The following OR2L3 variants were observed in gnomAD, a reference collection of about 807,000 sequenced individuals.
OR2L3 encodes the protein olfactory receptor 2L3.
For missense variants in OR2L3, 369 were observed against 376.6 expected, an observed-to-expected ratio of 0.98 and a Z score of 0.17; for synonymous variants, 131 against 139.1, an observed-to-expected ratio of 0.94 and a Z score of 0.41.
chr1:248,060,450 T>C (rs761352197), intron 1 of OR2L3, among the ~76,000 whole-genome samples: 1 of 152,192 alleles, frequency 6.6e-6, no homozygotes, highest in Non-Finnish European at 1.5e-5. Context: ...TGTATATTCA[T>C]TCTATTTTAT....
At position 248,049,555 on chromosome 1, in the gene OR2L3, A is replaced by C. The variant is rs538655550; in HGVS notation, c.-22+2675A>C. Among the ~76,000 whole-genome samples the C allele has an allele frequency of 2.6e-5, 4 of 152,240 alleles. No individual in the cohort carries two copies. The East Asian group carries it at 7.7e-4, about 29-fold the overall frequency. ...TTTCATTTAGAGTTTCTGAGAAACC[A>C]TTTTTCTGTGAAGCTACATAATAGT... On this transcript the variant is annotated intron_variant, in intron 1 of 1. Transcript: ENST00000359959.
chr1:248,059,541 G>A (rs1663552945), intron 1 of OR2L3, among the ~76,000 whole-genome samples: 1 of 152,162 alleles, frequency 6.6e-6, no homozygotes, highest in Admixed American at 6.6e-5. Context: ...AAAGAGAATG[G>A]ATGATGATGA....
intron 1 of OR2L3, among the ~76,000 whole-genome samples, chr1:248,060,050 A>C (rs1451488385): frequency 6.6e-6 from 1 of 152,142 alleles, no homozygotes; most frequent in Non-Finnish European, 1.5e-5. Flanking sequence ...CAAAAAAAAA[A>C]AAAGTATAAA....
In OR2L3 at chr1:248,062,709, A is replaced by T. The variant is rs565922915; in HGVS notation, c.*1089A>T. On this transcript the variant is annotated 3_prime_UTR_variant, in exon 2 of 2. Transcript: ENST00000359959. ...ATTTATTGTAGAATTTATTGTATGT[A>T]TTAAAGAATAACTGAAAGAGTGGAA... is the stretch of plus-strand genomic sequence containing the variant. The T allele has an allele frequency of 2.0e-5, 3 of 152,338 alleles. No individual in the cohort carries two copies. Among genetic ancestry groups the T allele is most frequent in the African/African-American group, 7.2e-5 (3 of 41,582 alleles). The allele number at this position is 152,338 out of a possible 1,614,324, so 9.4% of individuals were successfully genotyped here.
intron 1 of OR2L3, among the ~76,000 whole-genome samples, chr1:248,053,576 G>A (rs1275170532): frequency 1.3e-5 from 2 of 152,210 alleles, no homozygotes; most frequent in Non-Finnish European, 2.9e-5. Context: ...CACCAACAGT[G>A]TGAAAGCATT....
rs957844592 is a variant in OR2L3, at chr1:248,055,401, C to CT, written c.-21-5250dup. On this transcript the variant is annotated intron_variant, in intron 1 of 1. Coordinates refer to ENST00000359959, the MANE Select transcript of OR2L3 (RefSeq NM_001004687.2). ...ATCAGGGATATTGGCACAAAGTTTT[C>CT]TTTTTTTTTTGTTATGTCTCTGCTG... 4.4e-4 allele frequency among the ~76,000 whole-genome samples: 66 copies of CT among 148,840 alleles called. 1 individual carries two copies. The highest frequency in any genetic ancestry group is 1.3e-3 in the South Asian group (6 of 4,672).
In OR2L3 at chr1:248,060,653, C is replaced by A; in HGVS notation, c.-21-8C>A. 1 of 1,557,002 alleles carries A rather than the reference C, an allele frequency of 6.4e-7. No homozygotes were observed. Among genetic ancestry groups the A allele is most frequent in the Non-Finnish European group, 8.8e-7 (1 of 1,138,394 alleles). On this transcript the variant is annotated splice_region_variant and splice_polypyrimidine_tract_variant and intron_variant, in intron 1 of 1. Coordinates refer to ENST00000359959, the MANE Select transcript of OR2L3 (RefSeq NM_001004687.2). ...CTGTGCTTAACTTACCCTTGTGTCT[C>A]CCTTCAGGAAAGAGCACACGAATGC...
At chr1:248,048,374 A>G (rs1272324116) in intron 1 of OR2L3, among the ~76,000 whole-genome samples, 1 of 152,196 alleles carries the variant, frequency 6.6e-6, no homozygotes, top group Non-Finnish European at 1.5e-5. Flanking sequence ...AGTCAGTCAA[A>G]TACAACATTA....
chr1:248,055,048 C>A (rs1663389338), intron 1 of OR2L3, among the ~76,000 whole-genome samples: 1 of 152,120 alleles, frequency 6.6e-6, no homozygotes, highest in Non-Finnish European at 1.5e-5. Context: ...CAGTTTTTGC[C>A]CATTCAGTAC....
chr1:248,050,972 C>T (rs1182594574), intron 1 of OR2L3, among the ~76,000 whole-genome samples: 18 of 152,114 alleles, frequency 1.2e-4, no homozygotes, highest in Non-Finnish European at 4.4e-5. Flanking sequence ...GGAATAGTTT[C>T]AGTACATTTA....
chr1:248,052,882 AT>A (rs1241128227), intron 1 of OR2L3, among the ~76,000 whole-genome samples: 4 of 152,030 alleles, frequency 2.6e-5, no homozygotes, highest in Admixed American at 2.6e-4. Flanking sequence ...TATCATTTTA[AT>A]TTTGATAGAG....
chr1:248,046,903 T>A (rs1194964251), intron 1 of OR2L3, 23 bp downstream of exon 1: 1 of 152,224 alleles, frequency 6.6e-6, no homozygotes, highest in Non-Finnish European at 1.5e-5. Flanking sequence ...ATTGTATTTT[T>A]AAATTTTTAT....
chr1:248,061,048 A>G lies in OR2L3; in HGVS notation c.367A>G (p.Ile123Val), dbSNP rs779984330. ...LLASMAYDRY[I>V]AICFPLHYPI... ...GGCATCTATGGCCTATGATCGTTAC[A>G]TTGCTATTTGCTTTCCTCTTCACTA... Residue 123 changes from isoleucine to valine, a missense_variant, in exon 2 of 2, where the codon ATT (isoleucine) becomes GTT (valine). By Grantham distance (29) the Ile-to-Val change is conservative (BLOSUM62 3). Coordinates refer to ENST00000359959, the MANE Select transcript of OR2L3 (RefSeq NM_001004687.2). 1.2e-6 allele frequency: 2 copies of G among 1,613,928 alleles called. No homozygotes were observed. The highest frequency in any genetic ancestry group is 8.5e-7 in the Non-Finnish European group (1 of 1,180,020).
rs537407649 is a variant in OR2L3 at position 248,063,310 on chromosome 1, G to A, written c.*1690G>A. The A allele has an allele frequency of 5.9e-5, 9 of 152,244 alleles. No homozygotes were observed. Among genetic ancestry groups the A allele is most frequent in the East Asian group, 3.9e-4 (2 of 5,190 alleles). 9.4% of individuals were successfully genotyped at this position (152,244 alleles called of 1,614,324 possible). A position where few individuals can be genotyped will look rare whatever the true frequency, so the allele number is the denominator to read the frequency against. ...TCTAGTGTTCTCTTCCATGACTACCGTTAACGGTAAAGTATTACATAGTGC... is the reference window on the plus strand; with the variant it reads ...TCTAGTGTTCTCTTCCATGACTACCATTAACGGTAAAGTATTACATAGTGC... On this transcript the variant is annotated 3_prime_UTR_variant, in exon 2 of 2. Transcript: ENST00000359959.
chr1:248,055,003 C>G (rs1663387543), intron 1 of OR2L3, among the ~76,000 whole-genome samples: 1 of 152,156 alleles, frequency 6.6e-6, no homozygotes, highest in Admixed American at 6.5e-5. Flanking sequence ...GAGATTGCAT[C>G]CTTGTCTTGT....
At chr1:248,055,157 GA>G (rs1558200722) in intron 1 of OR2L3, among the ~76,000 whole-genome samples, 1 of 152,070 alleles carries the variant, frequency 6.6e-6, no homozygotes, top group African/African-American at 2.4e-5. Context: ...AAGGGAAGTC[GA>G]ATTTTTTTGA....
At chr1:248,054,260 A>G (rs1170250575) in intron 1 of OR2L3, among the ~76,000 whole-genome samples, 1 of 152,008 alleles carries the variant, frequency 6.6e-6, no homozygotes, top group Non-Finnish European at 1.5e-5. Context: ...TGAAGATCAG[A>G]TGGTTGTAGA....
At chr1:248,049,532 T>C (rs980838137) in intron 1 of OR2L3, among the ~76,000 whole-genome samples, 26 of 152,188 alleles carry the variant, frequency 1.7e-4, no homozygotes, top group African/African-American at 6.0e-4. Flanking sequence ...AAAATATCTT[T>C]CATTTAGAGT....
chr1:248,060,730 TTC>T lies in OR2L3; in HGVS notation c.50_51del (p.Phe17SerfsTer46). On this transcript the variant is annotated frameshift_variant, in exon 2 of 2. Transcript: ENST00000359959. LOFTEE classifies it low-confidence loss of function (END_TRUNC). ...TSTDFILLGF[F>X]PPSRIGLFLF... ...AACTGATTTCATCTTATTAGGATTC[TTC>T]CCACCATCAAGAATTGGCCTTTTCC... The T allele has an allele frequency of 6.2e-7, 1 of 1,614,134 alleles. No homozygotes were observed. Among genetic ancestry groups the T allele is most frequent in the Non-Finnish European group, 8.5e-7 (1 of 1,179,992 alleles).
Sources: allele counts gnomAD v4.1 joint callset (sites outside exome capture counted in the v4.1 genomes callset), GRCh38; gene constraint gnomAD v4.1.1; transcripts MANE v1.5; gene names NCBI Gene and HGNC (gene_info 2026-07-23, HGNC 2026-07-21).